SIPA1L3: variants seen among roughly 807,000 people sequenced by gnomAD.
The protein encoded by SIPA1L3 is signal-induced proliferation-associated 1-like protein 3.
Under a neutral mutation model 150.1 loss-of-function variants are expected in SIPA1L3, and 59 were observed. The ratio of observed to expected loss-of-function variants is 0.39; its 90% confidence interval spans 0.32 to 0.49. The LOEUF (loss-of-function observed/expected upper bound fraction) is 0.49, where lower values mean the gene tolerates loss of function less well. Among genes scored for constraint, SIPA1L3 ranks in the 20% least tolerant of loss-of-function variants. The probability of loss-of-function intolerance (pLI) is 0.86; values close to 1 mark genes in which losing one functional copy is unlikely to be tolerated. For synonymous variants in SIPA1L3, 1,070 were observed against 1,077.6 expected (o/e 0.99, Z 0.14); for missense variants, 2,211 against 2,489.5 (o/e 0.89, Z 2.38).
intron 1 of SIPA1L3, among the ~76,000 whole-genome samples, chr19:38,007,965 G>T (rs1967997847): frequency 6.6e-6 from 1 of 152,074 alleles, no homozygotes; most frequent in African/African-American, 2.4e-5. Context: ...TGAAGGCAGG[G>T]ATCTTTGTCT....
intron 16 of SIPA1L3, among the ~76,000 whole-genome samples, chr19:38,183,699 C>A (rs981458668): frequency 6.6e-6 from 1 of 152,078 alleles, no homozygotes; most frequent in Non-Finnish European, 1.5e-5. Context: ...GCTGGAAGAG[C>A]CCCTAAGGCA....
chr19:37,955,541 C>T (rs1347851876), intron 1 of SIPA1L3, among the ~76,000 whole-genome samples: 1 of 152,170 alleles, frequency 6.6e-6, no homozygotes, highest in Non-Finnish European at 1.5e-5. Context: ...TGCTTCCACG[C>T]CTAGGCCCAG....
At chr19:37,927,174 C>T (rs1270708336) in intron 1 of SIPA1L3, among the ~76,000 whole-genome samples, 4 of 135,376 alleles carry the variant, frequency 3.0e-5, no homozygotes, top group African/African-American at 5.8e-5. Context: ...GATGGAGTCT[C>T]GCTCTGTCAC....
chr19:37,991,649 C>A lies in SIPA1L3; in HGVS notation c.-378-37440C>A, dbSNP rs28625002. The stretch of plus-strand genomic sequence containing the variant: ...GCAGGGACCGTGCAGAGTCACTGTT[C>A]CCGGGAATGCAGCAGCTGAGCTCTC... On this transcript the variant is annotated intron_variant, in intron 1 of 21. Transcript: ENST00000222345. Among the ~76,000 whole-genome samples the A allele has an allele frequency of 9.7e-3, 1,481 of 152,338 alleles. 22 individuals are homozygous for A. Among genetic ancestry groups the A allele is most frequent in the African/African-American group, 0.033 (1,373 of 41,584 alleles).
At chr19:38,124,851 A>G in intron 9 of SIPA1L3, among the ~76,000 whole-genome samples, 1 of 152,040 alleles carries the variant, frequency 6.6e-6, no homozygotes, top group Non-Finnish European at 1.5e-5. Flanking sequence ...AAAATACGAA[A>G]ACCAGTCAGG....
chr19:37,961,011 G>T (rs1032962229), intron 1 of SIPA1L3, among the ~76,000 whole-genome samples: 1 of 151,958 alleles, frequency 6.6e-6, no homozygotes, highest in Admixed American at 6.6e-5. Flanking sequence ...TGGGCTTACA[G>T]GCACCCGCCA....
chr19:38,103,789 C>T (rs1440193713), intron 6 of SIPA1L3, among the ~76,000 whole-genome samples: 1 of 151,004 alleles, frequency 6.6e-6, no homozygotes, highest in Non-Finnish European at 1.5e-5. Flanking sequence ...GTAGTCCCAG[C>T]TACTCTGGAG....
In SIPA1L3 at chr19:38,130,579, G is replaced by A. The variant is rs538534617; in HGVS notation, c.2950G>A (p.Asp984Asn). 1.3e-5 allele frequency: 21 copies of A among 1,613,820 alleles called. No homozygotes were observed. The Admixed American group carries it at 1.5e-4, about 12-fold the overall frequency. Residue 984 changes from aspartate to asparagine, a missense_variant, in exon 10 of 22, where the codon GAC becomes AAC. Asp to Asn is a conservative substitution (Grantham distance 23). This residue lies in a region of SIPA1L3 where 625 missense variants were observed against 804.2 expected (regional missense o/e 0.78). Transcript: ENST00000222345. ...LGQLGFHVKY[D>N]GTVAEVEDYG... Reference sequence around the variant, plus strand: ...GCAGCTGGGCTTCCACGTGAAGTACGACGGCACGGTGGCCGAGGTTGAGGA... The same window carrying A: ...GCAGCTGGGCTTCCACGTGAAGTACAACGGCACGGTGGCCGAGGTTGAGGA...
intron 1 of SIPA1L3, among the ~76,000 whole-genome samples, chr19:37,986,765 G>C (rs542036017): frequency 1.5e-4 from 23 of 152,246 alleles, no homozygotes; most frequent in African/African-American, 5.5e-4. Flanking sequence ...TGAGGCCTAG[G>C]TGTGGAGACT....
chr19:38,129,258 C>T lies in SIPA1L3; in HGVS notation c.2869-1240C>T, dbSNP rs111262544. ...AGCAGGGAGTCCTGGAGGCCAGGCCCTGCGTGGTCCGATCAGCTCCATGTT... is the reference window on the plus strand; with the variant it reads ...AGCAGGGAGTCCTGGAGGCCAGGCCTTGCGTGGTCCGATCAGCTCCATGTT... On this transcript the variant is annotated intron_variant, in intron 9 of 21. Coordinates refer to ENST00000222345, the MANE Select transcript of SIPA1L3 (RefSeq NM_015073.3). Among the ~76,000 whole-genome samples, 307 of 152,252 alleles carry T rather than the reference C, an allele frequency of 2.0e-3. 2 individuals are homozygous for T. Among genetic ancestry groups the T allele is most frequent in the African/African-American group, 7.2e-3 (298 of 41,530 alleles).
At position 38,049,060 on chromosome 19, in the gene SIPA1L3, C is replaced by T. The variant is rs113548279; in HGVS notation, c.-311+19904C>T. On this transcript the variant is annotated intron_variant, in intron 2 of 21. Transcript: ENST00000222345. ...TTGCGCCACTGCACTCCAGCCTGGGCGACAGGGCGAGACCCCATCTCAAAA... is the reference window on the plus strand; with the variant it reads ...TTGCGCCACTGCACTCCAGCCTGGGTGACAGGGCGAGACCCCATCTCAAAA... Among the ~76,000 whole-genome samples, 17 of 149,190 alleles carry T rather than the reference C, an allele frequency of 1.1e-4. No homozygotes were observed. In the East Asian group the frequency reaches 1.8e-3, roughly 15 times the overall value.
At chr19:38,088,955 T>C in intron 4 of SIPA1L3, 104 bp downstream of exon 4, 1 of 1,286,404 alleles carries the variant, frequency 7.8e-7, no homozygotes, top group Non-Finnish European at 1.1e-6. Flanking sequence ...CATGGAATCC[T>C]CCCAACAACC....
intron 11 of SIPA1L3, 126 bp downstream of exon 11, chr19:38,141,561 T>C (rs1971584263): frequency 9.9e-7 from 1 of 1,009,384 alleles, no homozygotes; most frequent in Non-Finnish European, 1.4e-6. Flanking sequence ...CCTTCCTTCT[T>C]ATCCTTATGT....
At position 38,187,856 on chromosome 19, in the gene SIPA1L3, G is replaced by A. The variant is rs553934930; in HGVS notation, c.4431-4289G>A. ...CTACGAAAATACAAAAATTAGCCGA[G>A]TATGATGGCAGGTGCCTGTAGTCTC... is the stretch of plus-strand genomic sequence containing the variant. On this transcript the variant is annotated intron_variant, in intron 16 of 21. Coordinates refer to ENST00000222345, the MANE Select transcript of SIPA1L3 (RefSeq NM_015073.3). 8.4e-4 allele frequency among the ~76,000 whole-genome samples: 127 copies of A among 151,792 alleles called. 2 individuals are homozygous for A. Among genetic ancestry groups the A allele is most frequent in the African/African-American group, 2.9e-3 (120 of 41,358 alleles).
rs540334165 is a variant in SIPA1L3 at position 38,202,838 on chromosome 19, C to CG, written c.5120+846dup. ...CAGGCCTGGCCCTCAGGAAGCTTCA[C>CG]GGGGGAAGGAAGAGGACGGGGACAG... is the stretch of plus-strand genomic sequence containing the variant. On this transcript the variant is annotated intron_variant, in intron 20 of 21. Transcript: ENST00000222345. 4.0e-3 allele frequency among the ~76,000 whole-genome samples: 609 copies of CG among 152,184 alleles called. 4 individuals are homozygous for CG. Among genetic ancestry groups the CG allele is most frequent in the Non-Finnish European group, 7.1e-3 (482 of 67,992 alleles).
intron 1 of SIPA1L3, among the ~76,000 whole-genome samples, chr19:37,937,438 T>G (rs1187706731): frequency 6.6e-6 from 1 of 152,052 alleles, no homozygotes; most frequent in African/African-American, 2.4e-5. Context: ...AGAATGATTT[T>G]TGAACTTTAT....
At position 37,973,554 on chromosome 19, in the gene SIPA1L3, AGC is replaced by A. The variant is rs1280652868; in HGVS notation, c.-378-55533_-378-55532del. ...CTGGCCAAAAAAAAAAAAAAAAAAAAGCGGGAGGGGGGCGCATCTTGAAGCAC... is the reference window on the plus strand; with the variant it reads ...CTGGCCAAAAAAAAAAAAAAAAAAAAGGGAGGGGGGCGCATCTTGAAGCAC... On this transcript the variant is annotated intron_variant, in intron 1 of 21. Coordinates refer to ENST00000222345, the MANE Select transcript of SIPA1L3 (RefSeq NM_015073.3). Among the ~76,000 whole-genome samples the A allele has an allele frequency of 5.0e-4, 16 of 31,696 alleles. 1 individual carries two copies. Among genetic ancestry groups the A allele is most frequent in the African/African-American group, 1.7e-3 (12 of 6,912 alleles). The allele number at this position is 31,696 out of a possible 152,430, so 20.8% of individuals were successfully genotyped here.
intron 1 of SIPA1L3, among the ~76,000 whole-genome samples, chr19:37,919,526 C>A (rs1318372016): frequency 6.6e-6 from 1 of 152,142 alleles, no homozygotes; most frequent in African/African-American, 2.4e-5. Context: ...AAGTCACTGG[C>A]TCCAGAGTCT....
intron 16 of SIPA1L3, among the ~76,000 whole-genome samples, chr19:38,188,236 A>G (rs2146036508): frequency 6.6e-6 from 1 of 151,938 alleles, no homozygotes; most frequent in Non-Finnish European, 1.5e-5. Flanking sequence ...CCCAAGCTGG[A>G]GCACAGTGGC....
Sources: gnomAD v4.1 joint callset for allele counts (sites outside exome capture counted in the v4.1 genomes callset) on GRCh38, gnomAD v4.1.1 for gene constraint, gnomAD v4.1.1 regional missense constraint, MANE v1.5 for transcripts, NCBI Gene and HGNC (gene_info 2026-07-23, HGNC 2026-07-21) for gene names.